Variants in THSD4 observed in about 807,000 individuals in gnomAD.
The protein encoded by THSD4 is thrombospondin type 1 domain containing 4.
A neutral mutation model predicts 119.0 loss-of-function variants in THSD4; 69 were observed. That is an observed-to-expected ratio of 0.58 (90% CI 0.48 to 0.71). The LOEUF is 0.71. THSD4 is among the 30% of genes least tolerant of loss of function. The pLI, the probability that THSD4 is intolerant of heterozygous loss-of-function variation, is 0.00. For missense variants in THSD4, 1,393 were observed against 1,391.1 expected (o/e 1.00, Z -0.02); for synonymous variants, 524 against 540.4 (o/e 0.97, Z 0.42).
intron 7 of THSD4, among the ~76,000 whole-genome samples, chr15:71,478,437 A>G (rs150902817): frequency 6.6e-6 from 1 of 152,372 alleles, no homozygotes; most frequent in Non-Finnish European, 1.5e-5. Flanking sequence ...ACATGCATAC[A>G]GTATCTGTGA....
intron 7 of THSD4, among the ~76,000 whole-genome samples, chr15:71,423,942 T>A (rs1442510339): frequency 6.6e-6 from 1 of 152,174 alleles, no homozygotes; most frequent in East Asian, 1.9e-4. Context: ...GGTGTTGCTT[T>A]CCACTGTGAC....
At chr15:71,586,629 A>G (rs1158672023) in intron 7 of THSD4, among the ~76,000 whole-genome samples, 1 of 152,170 alleles carries the variant, frequency 6.6e-6, no homozygotes, top group Non-Finnish European at 1.5e-5. Flanking sequence ...GAAAGAGAAA[A>G]CTATCTGCTT....
rs1465707648 is a variant in THSD4, at chr15:71,745,234, T to C, written c.2035T>C (p.Phe679Leu). The C allele has an allele frequency of 3.7e-6, 6 of 1,613,750 alleles. No individual in the cohort carries two copies. Among genetic ancestry groups the C allele is most frequent in the African/African-American group, 1.3e-5 (1 of 74,930 alleles). The stretch of plus-strand genomic sequence containing the variant: ...CTGCAACATCTTCCCTTGCCCAGCC[T>C]TGTAAGAAGGCCCCTCCATTTAGGT... The part of the protein sequence containing the change: ...EPCNIFPCPA[F>L]WDIGEWSECS... The change falls in exon 12 of 18, where the codon TTC becomes CTC. Residue 679 changes from phenylalanine to leucine, a missense_variant and splice_region_variant. Phe to Leu is a conservative substitution (Grantham distance 22). Coordinates refer to ENST00000261862, the MANE Select transcript of THSD4 (RefSeq NM_024817.3).
chr15:71,650,462 C>T (rs866206580), intron 7 of THSD4, among the ~76,000 whole-genome samples: 1 of 152,108 alleles, frequency 6.6e-6, no homozygotes, highest in African/African-American at 2.4e-5. Flanking sequence ...ATGGACCACA[C>T]TTTGAGTAAC....
intron 7 of THSD4, among the ~76,000 whole-genome samples, chr15:71,594,321 G>T (rs989434148): frequency 6.6e-6 from 1 of 151,602 alleles, no homozygotes; most frequent in South Asian, 2.1e-4. Flanking sequence ...CTATTCTCCT[G>T]CCTCAGCTTC....
At chr15:71,737,688 C>G in intron 10 of THSD4, 44 bp from the exon 11 acceptor site, 2 of 1,549,040 alleles carry the variant, frequency 1.3e-6, no homozygotes, top group Non-Finnish European at 1.7e-6. Flanking sequence ...AACTCAGGGT[C>G]TAAACTGATC....
At chr15:71,263,331 G>GTGTATATATATATATATATA (rs1555458973) in intron 6 of THSD4, among the ~76,000 whole-genome samples, 8 of 138,896 alleles carry the variant, frequency 5.8e-5, no homozygotes, top group Admixed American at 1.5e-4. Context: ...GTATTCCATG[G>GTGTATATATATATATATATA]TATATATATA....
chr15:71,334,564 G>A (rs1468320455), intron 6 of THSD4, among the ~76,000 whole-genome samples: 5 of 152,170 alleles, frequency 3.3e-5, no homozygotes, highest in Admixed American at 3.3e-4. Context: ...TTGGTGCATG[G>A]CTGTCACCCA....
rs371808541 is a variant in THSD4, at chr15:71,549,154, C to T, written c.1153-111376C>T. Among the ~76,000 whole-genome samples the T allele has an allele frequency of 2.4e-4, 37 of 152,266 alleles. No homozygotes were observed. In the East Asian group the frequency reaches 2.5e-3, roughly 10 times the overall value. The stretch of plus-strand genomic sequence containing the variant: ...TTGGTGCTTTTCAGACAGTGCTCAG[C>T]GTTTGAGAGAGGAAGGCAGAGGTTT... On this transcript the variant is annotated intron_variant, in intron 7 of 17. Coordinates refer to ENST00000261862, the MANE Select transcript of THSD4 (RefSeq NM_024817.3).
intron 2 of THSD4, among the ~76,000 whole-genome samples, chr15:71,148,179 C>T (rs758418955): frequency 1.3e-4 from 20 of 152,124 alleles, no homozygotes; most frequent in Non-Finnish European, 2.2e-4. Context: ...GGCCTTTTCC[C>T]GGGGCCTGTT....
chr15:71,279,912 A>C (rs1316890906), intron 6 of THSD4, among the ~76,000 whole-genome samples: 1 of 152,254 alleles, frequency 6.6e-6, no homozygotes, highest in Non-Finnish European at 1.5e-5. Context: ...ACCTCAGTGC[A>C]AAAGCCCTAG....
intron 7 of THSD4, among the ~76,000 whole-genome samples, chr15:71,585,716 A>G (rs1286181507): frequency 6.6e-6 from 1 of 152,124 alleles, no homozygotes; most frequent in Non-Finnish European, 1.5e-5. Flanking sequence ...CATAATGCAT[A>G]TATTGGTTCA....
At chr15:71,251,963 G>A (rs903915165) in intron 5 of THSD4, among the ~76,000 whole-genome samples, 3 of 152,172 alleles carry the variant, frequency 2.0e-5, no homozygotes, top group South Asian at 2.1e-4. Flanking sequence ...ATTAAAGTAC[G>A]TCTTTATTTC....
intron 5 of THSD4, among the ~76,000 whole-genome samples, chr15:71,244,008 A>G (rs916362120): frequency 2.7e-5 from 4 of 150,566 alleles, no homozygotes; most frequent in African/African-American, 9.8e-5. Context: ...GATGGTTTCG[A>G]TCTCTTGACC....
At chr15:71,394,587 C>T (rs923504682) in intron 6 of THSD4, among the ~76,000 whole-genome samples, 1 of 152,102 alleles carries the variant, frequency 6.6e-6, no homozygotes, top group African/African-American at 2.4e-5. Context: ...TTCACTCCTC[C>T]TCCTCCTGCC....
intron 6 of THSD4, among the ~76,000 whole-genome samples, chr15:71,322,612 T>C (rs1430864726): frequency 6.6e-6 from 1 of 152,190 alleles, no homozygotes; most frequent in African/African-American, 2.4e-5. Flanking sequence ...GCTGGGTGGT[T>C]CTGGTTCAGT....
chr15:71,195,171 C>T (rs1277063974), intron 3 of THSD4, among the ~76,000 whole-genome samples: 5 of 152,206 alleles, frequency 3.3e-5, no homozygotes, highest in Non-Finnish European at 7.4e-5. Flanking sequence ...CTACGGGAGA[C>T]ATTAAGAAAT....
intron 7 of THSD4, among the ~76,000 whole-genome samples, chr15:71,462,206 G>A (rs748048578): frequency 9.9e-5 from 15 of 152,062 alleles, no homozygotes; most frequent in South Asian, 4.2e-4. Context: ...CTGTCACCCC[G>A]GCTGGAGTGC....
intron 8 of THSD4, among the ~76,000 whole-genome samples, chr15:71,722,823 A>G (rs1303137748): frequency 1.3e-5 from 2 of 152,186 alleles, no homozygotes; most frequent in Admixed American, 6.5e-5. Flanking sequence ...TTTTGTGACT[A>G]TCCTTCTCTA....
Sources: allele counts gnomAD v4.1 joint callset (sites outside exome capture counted in the v4.1 genomes callset), GRCh38; gene constraint gnomAD v4.1.1; transcripts MANE v1.5; gene names NCBI Gene and HGNC (gene_info 2026-07-23, HGNC 2026-07-21).